CYP3A5: variants seen among roughly 807,000 people sequenced by gnomAD.
The protein encoded by CYP3A5 is cytochrome P450 family 3 subfamily A member 5.
A neutral mutation model predicts 55.9 loss-of-function variants in CYP3A5; 51 were observed. The ratio of observed to expected loss-of-function variants is 0.91; its 90% CI spans 0.73 to 1.15. The LOEUF is 1.15. Ranked by LOEUF, CYP3A5 falls within the 50% of genes most tolerant of loss-of-function variation. The pLI, the probability that CYP3A5 is intolerant of heterozygous loss-of-function variation, is 0.00. For synonymous variants in CYP3A5, 196 were observed against 213.9 expected (o/e 0.92, Z 0.73); for missense variants, 533 against 596.6 (o/e 0.89, Z 1.11).
chr7:99,653,111 C>T lies in CYP3A5; in HGVS notation c.1027-332G>A, dbSNP rs959147797. Among the ~76,000 whole-genome samples the T allele has an allele frequency of 6.6e-6, 1 of 152,158 alleles. No homozygotes were observed. Among genetic ancestry groups the T allele is most frequent in the African/African-American group, 2.4e-5 (1 of 41,430 alleles). On this transcript the variant is annotated intron_variant, in intron 10 of 12. Coordinates refer to ENST00000222982, the MANE Select transcript of CYP3A5 (RefSeq NM_000777.5). The surrounding 1 kb of genome is among the most constrained non-coding windows in gnomAD (Gnocchi z 4.2). ...ATGACCATTACCACCAAATAAAATA[C>T]ACCAAAGTCACTATCACCTTTCAAA... is the stretch of plus-strand genomic sequence containing the variant.
In CYP3A5 at chr7:99,666,702, C is replaced by G; in HGVS notation, c.433-13G>C. Reference sequence around the variant, plus strand: ...TGATGGGGAACATCTAAGCACAAAACAGATCAGTACCTGTAGTTAAATGTG... The same window carrying G: ...TGATGGGGAACATCTAAGCACAAAAGAGATCAGTACCTGTAGTTAAATGTG... On this transcript the variant is annotated splice_polypyrimidine_tract_variant and intron_variant, in intron 5 of 12. Transcript: ENST00000222982. The G allele has an allele frequency of 6.2e-7, 1 of 1,614,064 alleles. No homozygotes were observed. Among genetic ancestry groups the G allele is most frequent in the Non-Finnish European group, 8.5e-7 (1 of 1,179,934 alleles).
At chr7:99,674,192 A>C (rs558059226) in intron 3 of CYP3A5, 1 of 198,504 alleles carries the variant, frequency 5.0e-6, no homozygotes, top group East Asian at 1.2e-4. Flanking sequence ...CTGTCCAGCA[A>C]CTGCCTGTCC....
In CYP3A5 at chr7:99,676,142, C is replaced by A. The variant is rs150999943; in HGVS notation, c.138G>T (p.Leu46Phe). The A allele has an allele frequency of 4.3e-6, 7 of 1,613,670 alleles. No homozygotes were observed. The highest frequency in any genetic ancestry group is 2.2e-5 in the East Asian group (1 of 44,872). ...LGIPGPTPLPLLGNVLSYRQG... is the reference protein window; with the variant it reads ...LGIPGPTPLPFLGNVLSYRQG... The stretch of plus-strand genomic sequence containing the variant: ...GACGATAGGACAAAACATTTCCCAA[C>A]AAAGGCAGAGGTGTGGGCCCTGGAA... Residue 46 changes from leucine (L) to phenylalanine (F), a missense_variant, in exon 2 of 13, where the codon TTG becomes TTT. By Grantham distance (22) the Leu-to-Phe change is conservative. Coordinates refer to ENST00000222982, the MANE Select transcript of CYP3A5 (RefSeq NM_000777.5).
intron 1 of CYP3A5, 68 bp downstream of exon 1, chr7:99,679,758 G>A (rs2151470367): frequency 6.8e-7 from 1 of 1,466,688 alleles, no homozygotes; most frequent in East Asian, 2.3e-5. Context: ...AAACAGATAA[G>A]GGAAAAGGGG....
chr7:99,652,561 G>A lies in CYP3A5; in HGVS notation c.1245C>T (p.Arg415=). The change falls in exon 11 of 13, where the codon CGC becomes CGT. Residue 415 remains arginine (R), a synonymous_variant. Coordinates refer to ENST00000222982, the MANE Select transcript of CYP3A5 (RefSeq NM_000777.5). ...PKYWTEPEEF[R]PERFSKKKDS... is the part of the protein sequence containing the mutation. Reference sequence around the variant, plus strand: ...TCCCTGGAGACTTGTACCTTTCAGGGCGGAACTCCTCAGGCTCTGTCCAGT... The same window carrying A: ...TCCCTGGAGACTTGTACCTTTCAGGACGGAACTCCTCAGGCTCTGTCCAGT... 6.2e-7 allele frequency: 1 copy of A among 1,606,802 alleles called. No individual in the cohort carries two copies. Among genetic ancestry groups the A allele is most frequent in the South Asian group, 1.1e-5 (1 of 90,058 alleles).
chr7:99,655,586 T>G (rs1336048957), intron 10 of CYP3A5, among the ~76,000 whole-genome samples: 1 of 152,236 alleles, frequency 6.6e-6, no homozygotes, highest in African/African-American at 2.4e-5. Flanking sequence ...CCATATGAAC[T>G]TTAAAGTAGT....
At chr7:99,654,041 G>C (rs1809453691) in intron 10 of CYP3A5, among the ~76,000 whole-genome samples, 1 of 152,008 alleles carries the variant, frequency 6.6e-6, no homozygotes, top group Non-Finnish European at 1.5e-5. Context: ...ATCCAGTCTT[G>C]TGAGCAATAA....
At position 99,652,613 on chromosome 7, in the gene CYP3A5, G is replaced by C; in HGVS notation, c.1193C>G (p.Thr398Ser). 6.2e-7 allele frequency: 1 copy of C among 1,614,060 alleles called. No homozygotes were observed. Among genetic ancestry groups the C allele is most frequent in the Non-Finnish European group, 8.5e-7 (1 of 1,179,972 alleles). Residue 398 changes from threonine to serine, a missense_variant, in exon 11 of 13, where the codon ACT (threonine) becomes AGT (serine). Transcript: ENST00000222982. ...IPKGSMVVIPTYALHHDPKYW... is the reference protein window; with the variant it reads ...IPKGSMVVIPSYALHHDPKYW... ...CTTTGGGTCATGGTGAAGAGCATAAGTTGGAATCACCACCATTGACCCTTT... is the reference window on the plus strand; with the variant it reads ...CTTTGGGTCATGGTGAAGAGCATAACTTGGAATCACCACCATTGACCCTTT...
chr7:99,652,422 C>CT (rs777572063), intron 11 of CYP3A5, 131 bp downstream of exon 11: 362 of 630,896 alleles, frequency 5.7e-4, no homozygotes, highest in Non-Finnish European at 8.4e-4. Flanking sequence ...ATAATTATCA[C>CT]TTTTTTGTGA....
intron 10 of CYP3A5, chr7:99,660,242 T>TTAA: frequency 1.0e-6 from 1 of 973,132 alleles, no homozygotes; most frequent in Non-Finnish European, 1.2e-6. Context: ...TTTTTTTTTT[T>TTAA]TTTACTTAGC....
intron 1 of CYP3A5, among the ~76,000 whole-genome samples, chr7:99,678,384 G>A (rs1812500696): frequency 6.6e-6 from 1 of 152,174 alleles, no homozygotes. Context: ...CTTTGCTATC[G>A]TCACTGGCTC....
intron 7 of CYP3A5, 32 bp from the exon 8 acceptor site, chr7:99,664,127 T>A: frequency 6.5e-7 from 1 of 1,529,498 alleles, no homozygotes; most frequent in Non-Finnish European, 8.8e-7. Context: ...CAAAAGGAAA[T>A]CATTGAAAAT....
chr7:99,669,366 G>T (rs1213797037), intron 4 of CYP3A5, among the ~76,000 whole-genome samples: 3 of 152,120 alleles, frequency 2.0e-5, no homozygotes, highest in Admixed American at 1.3e-4. Context: ...CAACAAAAAA[G>T]ATTTTTTAAA....
Position 99,679,810 on chromosome 7 carries a change from T to C in CYP3A5, c.71+16A>G. ...AGTCCAAGGAAACAAAGAGAGGAGTTTGGACAGTTACTCACAGATAGAGGA... is the reference window on the plus strand; with the variant it reads ...AGTCCAAGGAAACAAAGAGAGGAGTCTGGACAGTTACTCACAGATAGAGGA... On this transcript the variant is annotated intron_variant, in intron 1 of 12. Transcript: ENST00000222982. 6.2e-7 allele frequency: 1 copy of C among 1,613,418 alleles called. No homozygotes were observed. The highest frequency in any genetic ancestry group is 1.1e-5 in the South Asian group (1 of 91,076).
At chr7:99,659,261 A>G (rs1040317945) in intron 10 of CYP3A5, 1 of 152,026 alleles carries the variant, frequency 6.6e-6, no homozygotes, top group Non-Finnish European at 1.5e-5. Context: ...TTTGGTGTGG[A>G]TGTCCTTTCT....
chr7:99,656,693 G>A (rs373151959), intron 10 of CYP3A5, among the ~76,000 whole-genome samples: 8 of 152,164 alleles, frequency 5.3e-5, no homozygotes, highest in South Asian at 2.1e-4. Flanking sequence ...AGAATTCGGC[G>A]GTGAATCCAT....
chr7:99,657,457 A>G (rs1040446011), intron 10 of CYP3A5, among the ~76,000 whole-genome samples: 8 of 152,194 alleles, frequency 5.3e-5, no homozygotes, highest in Non-Finnish European at 1.2e-4. Context: ...ACAGTTTGTT[A>G]TAATGTCTGT....
At chr7:99,672,510 T>A in intron 4 of CYP3A5, 70 bp downstream of exon 4, 1 of 1,338,862 alleles carries the variant, frequency 7.5e-7, no homozygotes, top group Non-Finnish European at 1.1e-6. Flanking sequence ...TGTGAATATA[T>A]GTTTTTTTCA....
chr7:99,657,533 G>A (rs574678490), intron 10 of CYP3A5, among the ~76,000 whole-genome samples: 1 of 152,344 alleles, frequency 6.6e-6, no homozygotes. Context: ...TAGGTGTGGT[G>A]TGGTGCTGAA....
Sources: allele counts gnomAD v4.1 joint callset (sites outside exome capture counted in the v4.1 genomes callset), GRCh38; gene constraint gnomAD v4.1.1; non-coding constraint Gnocchi (gnomAD v3.1); transcripts MANE v1.5; gene names NCBI Gene and HGNC (gene_info 2026-07-23, HGNC 2026-07-21).